Variants in FLNB observed in about 807,000 individuals in gnomAD.
The protein encoded by FLNB is filamin B.
In FLNB, 111 loss-of-function variants were observed where a neutral mutation model predicts 250.6. The observed-to-expected ratio is 0.44, with a 90% CI of 0.38 to 0.52. FLNB has a LOEUF of 0.52. FLNB is among the 20% of genes least tolerant of loss of function. The probability of loss-of-function intolerance (pLI) is 0.00; values close to 1 mark genes in which losing one functional copy is unlikely to be tolerated. For missense variants in FLNB, 2,869 were observed against 3,447.8 expected (o/e 0.83, Z 4.20); for synonymous variants, 1,302 against 1,372.1 (o/e 0.95, Z 1.13).
chr3:58,134,336 C>G (rs555787909), intron 26 of FLNB, among the ~76,000 whole-genome samples: 1 of 152,188 alleles, frequency 6.6e-6, no homozygotes, highest in Non-Finnish European at 1.5e-5. Context: ...AGCATTCCCC[C>G]ACCAGGCCCC....
intron 1 of FLNB, among the ~76,000 whole-genome samples, chr3:58,034,699 C>T (rs1168969303): frequency 1.3e-5 from 2 of 152,210 alleles, no homozygotes; most frequent in African/African-American, 2.4e-5. Context: ...AAAGGGAGCT[C>T]ATTGGCTCTC....
rs748650117 is a variant in FLNB at position 58,126,665 on chromosome 3, C to T, written c.4125C>T (p.Cys1375=). The T allele has an allele frequency of 9.3e-6, 15 of 1,613,584 alleles. No homozygotes were observed. Among genetic ancestry groups the T allele is most frequent in the Non-Finnish European group, 1.3e-5 (15 of 1,179,648 alleles). ...GACCATCAGAGTCGAAGATAAATTG[C>T]AGAGACAACAAGGATGGCAGCTGCA... is the stretch of plus-strand genomic sequence containing the variant. ...VEGPSESKIN[C]RDNKDGSCSA... is the part of the protein sequence containing the mutation. The change falls in exon 24 of 46, where the codon TGC becomes TGT. Residue 1375 remains cysteine (C), a synonymous_variant. Transcript: ENST00000295956.
chr3:58,132,898 C>T lies in FLNB; in HGVS notation c.4481C>T (p.Ser1494Leu), dbSNP rs1219204916. 6.2e-7 allele frequency: 1 copy of T among 1,614,078 alleles called. No homozygotes were observed. The highest frequency in any genetic ancestry group is 8.5e-7 in the Non-Finnish European group (1 of 1,179,996). The change falls in exon 26 of 46, where the codon TCA (serine) becomes TTA (leucine). Residue 1494 changes from serine (S) to leucine (L), a missense_variant. By Grantham distance (145) the Ser-to-Leu change is moderately radical. Around this residue, in one of 5 missense-constraint regions of FLNB, gnomAD observed 126 missense variants for 182.0 expected, o/e 0.69. Transcript: ENST00000295956. ...TPSQEGPYMV[S>L]VKYADEEIPR... ...TCTCAGGAGGGACCTTACATGGTCT[C>T]AGTTAAATATGCTGATGAAGAGATT... is the stretch of plus-strand genomic sequence containing the variant.
chr3:58,149,464 C>T (rs777776282), intron 36 of FLNB: 62 of 314,538 alleles, frequency 2.0e-4, no homozygotes, highest in Non-Finnish European at 2.7e-4. Flanking sequence ...GCTGAGGTAG[C>T]CAGGGGCTAT....
intron 1 of FLNB, among the ~76,000 whole-genome samples, chr3:58,024,219 G>A (rs1292666700): frequency 1.3e-5 from 2 of 152,168 alleles, no homozygotes; most frequent in Admixed American, 6.5e-5. Context: ...TCAGAGCATG[G>A]GTCAGATAGA....
At chr3:58,024,355 C>T (rs1431069048) in intron 1 of FLNB, among the ~76,000 whole-genome samples, 1 of 152,158 alleles carries the variant, frequency 6.6e-6, no homozygotes, top group African/African-American at 2.4e-5. Flanking sequence ...CCTGATAAAT[C>T]ACTTGACCCA....
chr3:58,127,879 C>T (rs1291293654), intron 24 of FLNB, among the ~76,000 whole-genome samples: 1 of 152,148 alleles, frequency 6.6e-6, no homozygotes, highest in African/African-American at 2.4e-5. Context: ...CTTTGGGGTA[C>T]AAGTCGTTTG....
At position 58,133,231 on chromosome 3, in the gene FLNB, G is replaced by T. The variant is rs75286362; in HGVS notation, c.4514+300G>T. On this transcript the variant is annotated intron_variant, in intron 26 of 45. Transcript: ENST00000295956. ...TCACCACACACTAGCCTTGATATTT[G>T]TGGCTCCCGCTCTCTCACTCCCCCA... Among the ~76,000 whole-genome samples the T allele has an allele frequency of 0.068, 10,290 of 152,116 alleles. 405 individuals are homozygous for T. The highest frequency in any genetic ancestry group is 0.079 in the Non-Finnish European group (5,372 of 67,998).
chr3:58,149,131 C>T, intron 36 of FLNB: 1 of 455,376 alleles, frequency 2.2e-6, no homozygotes. Flanking sequence ...CCCCTGTTTT[C>T]TTATCTGCTC....
chr3:58,141,666 A>G (rs1232740756), intron 29 of FLNB, among the ~76,000 whole-genome samples, 192 bp from the exon 30 acceptor site: 8 of 152,172 alleles, frequency 5.3e-5, no homozygotes, highest in African/African-American at 1.7e-4. Flanking sequence ...CTCACAGGGC[A>G]TGCGCATCTG....
chr3:58,008,432 C>G lies in FLNB; in HGVS notation c.-133C>G. On this transcript the variant is annotated 5_prime_UTR_variant, in exon 1 of 46. Transcript: ENST00000295956. ...GGGGCGGGCGGCCGCAGAGCAGCAC[C>G]GGCCGTGGCTCCGGTAGCAGCAAGT... is the stretch of plus-strand genomic sequence containing the variant. 9.0e-7 allele frequency: 1 copy of G among 1,105,672 alleles called. No homozygotes were observed. Among genetic ancestry groups the G allele is most frequent in the Non-Finnish European group, 1.3e-6 (1 of 762,352 alleles). The allele number at this position is 1,105,672 out of a possible 1,614,324, so 68.5% of individuals were successfully genotyped here.
Position 58,135,094 on chromosome 3 carries a change from G to A in FLNB, c.4671+322G>A, listed in dbSNP as rs560344907. Reference sequence around the variant, plus strand: ...TCTTGAACTCTCTTGGGTTCAAGCAGTCTGCCTGCCTCAACCTCCCAAAGT... The same window carrying A: ...TCTTGAACTCTCTTGGGTTCAAGCAATCTGCCTGCCTCAACCTCCCAAAGT... On this transcript the variant is annotated intron_variant, in intron 27 of 45. Coordinates refer to ENST00000295956, the MANE Select transcript of FLNB (RefSeq NM_001457.4). Among the ~76,000 whole-genome samples the A allele has an allele frequency of 4.6e-5, 7 of 152,262 alleles. No individual in the cohort carries two copies. In the East Asian group the frequency reaches 1.4e-3, roughly 29 times the overall value.
chr3:58,105,906 C>T (rs2097258761), intron 11 of FLNB, among the ~76,000 whole-genome samples: 1 of 152,174 alleles, frequency 6.6e-6, no homozygotes, highest in South Asian at 2.1e-4. Flanking sequence ...TTAATTTTCC[C>T]TTCTAGAGAG....
intron 18 of FLNB, among the ~76,000 whole-genome samples, chr3:58,115,914 T>G (rs1422444946): frequency 6.6e-6 from 1 of 152,208 alleles, no homozygotes; most frequent in Non-Finnish European, 1.5e-5. Flanking sequence ...TGTTTCATTA[T>G]TTGGGCAACT....
In FLNB at chr3:58,060,294, AT is replaced by A. The variant is rs565553656; in HGVS notation, c.293-16750del. On this transcript the variant is annotated intron_variant, in intron 1 of 45. Coordinates refer to ENST00000295956, the MANE Select transcript of FLNB (RefSeq NM_001457.4). ...CACTTTGGAAGGCAGAGGCGGGAGCATTGTTTGAGCCCGGGAGTTTGAGATC... is the reference window on the plus strand; with the variant it reads ...CACTTTGGAAGGCAGAGGCGGGAGCATGTTTGAGCCCGGGAGTTTGAGATC... Among the ~76,000 whole-genome samples, 6 of 150,702 alleles carry A rather than the reference AT, an allele frequency of 4.0e-5. No individual in the cohort carries two copies. The East Asian group carries it at 1.2e-3, about 29-fold the overall frequency.
At chr3:58,067,772 A>G (rs1319119976) in intron 1 of FLNB, among the ~76,000 whole-genome samples, 1 of 151,662 alleles carries the variant, frequency 6.6e-6, no homozygotes, top group African/African-American at 2.4e-5. Context: ...AATTTTTTGC[A>G]TTTTTTAATA....
chr3:58,025,614 G>A (rs760444669), intron 1 of FLNB, among the ~76,000 whole-genome samples: 3 of 152,132 alleles, frequency 2.0e-5, no homozygotes, highest in Admixed American at 6.6e-5. Context: ...GGAGCCTGTC[G>A]TCCATATGCT....
chr3:58,130,978 G>C lies in FLNB; in HGVS notation c.4390+70G>C, dbSNP rs1391649930. The C allele has an allele frequency of 2.7e-6, 4 of 1,470,266 alleles. No homozygotes were observed. The African/African-American group carries it at 5.6e-5, about 21-fold the overall frequency. The allele number at this position is 1,470,266 out of a possible 1,614,324, so 91.1% of individuals were successfully genotyped here. ...GCAGGGGCAGCTGTAACCCAGAGCA[G>C]ATGCTTTGCTTTTGAGTTTGCTCAT... On this transcript the variant is annotated intron_variant, in intron 25 of 45. Transcript: ENST00000295956.
chr3:58,102,186 C>A lies in FLNB; in HGVS notation c.1346-17C>A, dbSNP rs761812952. 10 of 1,614,126 alleles carry A rather than the reference C, an allele frequency of 6.2e-6. No homozygotes were observed. The highest frequency in any genetic ancestry group is 8.5e-6 in the Non-Finnish European group (10 of 1,180,002). On this transcript the variant is annotated splice_polypyrimidine_tract_variant and intron_variant, in intron 8 of 45. Coordinates refer to ENST00000295956, the MANE Select transcript of FLNB (RefSeq NM_001457.4). The stretch of plus-strand genomic sequence containing the variant: ...AAAGAATGAAAGATTGAATTGATGT[C>A]AAAACTGTGCTTGCAGCCTGCAATC...
Sources: gnomAD v4.1 joint callset for allele counts (sites outside exome capture counted in the v4.1 genomes callset) on GRCh38, gnomAD v4.1.1 for gene constraint, gnomAD v4.1.1 regional missense constraint, MANE v1.5 for transcripts, NCBI Gene and HGNC (gene_info 2026-07-23, HGNC 2026-07-21) for gene names.